Variants in CES5A observed in about 807,000 individuals in gnomAD.
CES5A encodes the protein carboxylesterase 5.
A neutral mutation model predicts 62.9 loss-of-function variants in CES5A; 67 were observed. The observed-to-expected ratio is 1.07, with a 90% CI of 0.88 to 1.31. The LOEUF is 1.31. Ranked by LOEUF, CES5A falls within the 50% of genes most tolerant of loss-of-function variation. The pLI, the probability that CES5A is intolerant of heterozygous loss-of-function variation, is 0.00. For synonymous variants in CES5A, 296 were observed against 280.8 expected, an observed-to-expected ratio of 1.05 and a Z score of -0.54; for missense variants, 748 against 708.5, an observed-to-expected ratio of 1.06 and a Z score of -0.63.
rs1395543425 is a variant in CES5A, at chr16:55,873,868, C to T, written c.243G>A (p.Trp81Ter). 1.2e-6 allele frequency: 2 copies of T among 1,613,562 alleles called. No individual in the cohort carries two copies. Among genetic ancestry groups the T allele is most frequent in the South Asian group, 1.1e-5 (1 of 90,810 alleles). Residue 81 changes from tryptophan to a stop codon, truncating the protein, a stop_gained, in exon 2 of 13, where the codon TGG becomes TGA. Coordinates refer to ENST00000290567, the MANE Select transcript of CES5A (RefSeq NM_001143685.2). LOFTEE classifies it high-confidence loss of function. The part of the protein sequence containing the change: ...RFTNPQPASP[W>*]DNLREATSYP... Reference sequence around the variant, plus strand: ...AGGAGGTGGCTTCTCGCAAGTTATCCCAGGGCGATGCAGGCTGCGGGTTCG... The same window carrying T: ...AGGAGGTGGCTTCTCGCAAGTTATCTCAGGGCGATGCAGGCTGCGGGTTCG...
intron 9 of CES5A, 54 bp from the exon 10 acceptor site, chr16:55,853,082 G>C (rs138304761): frequency 6.4e-7 from 1 of 1,569,726 alleles, no homozygotes; most frequent in African/African-American, 1.3e-5. Context: ...TGGCCAACAC[G>C]TTAAACACTC....
intron 2 of CES5A, among the ~76,000 whole-genome samples, chr16:55,938,883 G>T (rs1464434921): frequency 7.2e-6 from 1 of 139,392 alleles, no homozygotes; most frequent in African/African-American, 2.7e-5. Flanking sequence ...ATATTAAGTG[G>T]CAGAAACACC....
At chr16:55,955,424 G>A (rs1200129561) in intron 1 of CES5A, among the ~76,000 whole-genome samples, 1 of 152,094 alleles carries the variant, frequency 6.6e-6, no homozygotes, top group Non-Finnish European at 1.5e-5. Flanking sequence ...CTATATAATT[G>A]TTTTCACTCA....
At position 55,866,658 on chromosome 16, in the gene CES5A, T is replaced by TAAAAAA. The variant is rs369679801; in HGVS notation, c.552-548_552-543dup. Among the ~76,000 whole-genome samples the TAAAAAA allele has an allele frequency of 1.2e-3, 103 of 82,768 alleles. 1 individual carries two copies. The highest frequency in any genetic ancestry group is 1.8e-3 in the Non-Finnish European group (72 of 39,726). The allele number at this position is 82,768 out of a possible 152,430, so 54.3% of individuals were successfully genotyped here. A position where few individuals can be genotyped will look rare whatever the true frequency, so the allele number is the denominator to read the frequency against. On this transcript the variant is annotated intron_variant, in intron 4 of 12. Transcript: ENST00000290567. ...TAATATAGTGAAACTCTGTCTCTGCTAAAAAAAAAAAAAAAAAAAATACAA... is the reference window on the plus strand; with the variant it reads ...TAATATAGTGAAACTCTGTCTCTGCTAAAAAAAAAAAAAAAAAAAAAAAAAATACAA...
At chr16:55,875,766 C>G (rs1384100620), upstream of CES5A, among the ~76,000 whole-genome samples, 4 of 152,218 alleles carry the variant, frequency 2.6e-5, no homozygotes, top group African/African-American at 7.2e-5. Flanking sequence ...TCCTTGGCAA[C>G]CTTGAGGCTT....
rs1180345506 is a variant in CES5A at position 55,849,708 on chromosome 16, G to C, written c.1339C>G (p.Pro447Ala). ...HRPQCFEDTK[P>A]AFVKADHADE... ...GCGTGGTCGGCTTTGACAAAAGCTG[G>C]CTTCGTGTCTTCAAAGCACTGAGGC... The change falls in exon 11 of 13, where the codon CCA (proline) becomes GCA (alanine). Residue 447 changes from proline (P) to alanine (A), a missense_variant. Pro to Ala is a conservative substitution (Grantham distance 27). Transcript: ENST00000290567. The C allele has an allele frequency of 1.9e-6, 3 of 1,613,990 alleles. No homozygotes were observed.
chr16:55,929,552 A>G, upstream of CES5A, among the ~76,000 whole-genome samples: 1 of 152,186 alleles, frequency 6.6e-6, no homozygotes, highest in Non-Finnish European at 1.5e-5. Flanking sequence ...GAGTGCTTCA[A>G]AATTAGGGCC....
exon 1 of CES5A, chr16:55,955,969 A>G (rs2034606251): frequency 7.2e-7 from 1 of 1,393,282 alleles, no homozygotes; most frequent in South Asian, 1.2e-5. Context: ...CACATCATGT[A>G]CATGGTACAG....
intron 1 of CES5A, among the ~76,000 whole-genome samples, chr16:55,883,466 G>C (rs1281394587): frequency 6.6e-6 from 1 of 152,000 alleles, no homozygotes; most frequent in African/African-American, 2.4e-5. Context: ...ACAGAGACAA[G>C]GTTTCACCAT....
At position 55,865,964 on chromosome 16, in the gene CES5A, A is replaced by G. The variant is rs769449025; in HGVS notation, c.704T>C (p.Leu235Pro). 3.7e-6 allele frequency: 6 copies of G among 1,614,144 alleles called. No individual in the cohort carries two copies. Residue 235 changes from leucine (L) to proline (P), a missense_variant and splice_region_variant, in exon 5 of 13, where the codon CTT becomes CCT. Coordinates refer to ENST00000290567, the MANE Select transcript of CES5A (RefSeq NM_001143685.2). ...ESAGAISVSSLILSPMAKGLF... is the reference protein window; with the variant it reads ...ESAGAISVSSPILSPMAKGLF... ...CAAACCACAAAGCAGAGAACTCACAAGACTAGAAACACTTATGGCTCCCGC... is the reference window on the plus strand; with the variant it reads ...CAAACCACAAAGCAGAGAACTCACAGGACTAGAAACACTTATGGCTCCCGC...
intron 4 of CES5A, among the ~76,000 whole-genome samples, chr16:55,867,551 C>T (rs1418245552): frequency 6.6e-6 from 1 of 152,194 alleles, no homozygotes; most frequent in African/African-American, 2.4e-5. Flanking sequence ...GGCTCTCACT[C>T]CACCTTCTCT....
At chr16:55,857,380 C>A (rs574960366) in intron 8 of CES5A, among the ~76,000 whole-genome samples, 1 of 152,162 alleles carries the variant, frequency 6.6e-6, no homozygotes, top group African/African-American at 2.4e-5. Context: ...GGCAAAATTA[C>A]CGCTTTAAAA....
Position 55,888,480 on chromosome 16 carries a change from C to G in CES5A, c.-255-14443G>C, listed in dbSNP as rs543993893. ...TTAATTGTCCAGTAGGTCTCTGGAA[C>G]TAAGACCCAAGTTGACAATAGCAAA... is the stretch of plus-strand genomic sequence containing the variant. On this transcript the variant is annotated intron_variant, in intron 1 of 12. Transcript: ENST00000518005. Among the ~76,000 whole-genome samples the G allele has an allele frequency of 1.4e-4, 21 of 152,290 alleles. No homozygotes were observed. The South Asian group carries it at 3.3e-3, about 24-fold the overall frequency.
chr16:55,850,087 T>G (rs1175917184), intron 10 of CES5A, among the ~76,000 whole-genome samples: 3 of 152,240 alleles, frequency 2.0e-5, no homozygotes, highest in African/African-American at 4.8e-5. Flanking sequence ...GGAAAATACT[T>G]TCTTTTCATT....
At chr16:55,949,948 A>G (rs993040000) in intron 1 of CES5A, 6 of 831,842 alleles carry the variant, frequency 7.2e-6, no homozygotes, top group African/African-American at 1.7e-5. Flanking sequence ...GATGATAACA[A>G]TAATATAAAT....
intron 1 of CES5A, among the ~76,000 whole-genome samples, chr16:55,913,996 C>A (rs2034120563): frequency 6.6e-6 from 1 of 152,276 alleles, no homozygotes; most frequent in Admixed American, 6.5e-5. Flanking sequence ...CACATCCGGG[C>A]CTACTTACTA....
chr16:55,861,018 T>G (rs1455227722), intron 7 of CES5A, among the ~76,000 whole-genome samples: 5 of 152,206 alleles, frequency 3.3e-5, no homozygotes, highest in Admixed American at 6.5e-5. Context: ...CCAGTCCTTT[T>G]CCAGACAACT....
chr16:55,860,908 C>T (rs118125882), intron 7 of CES5A, among the ~76,000 whole-genome samples: 190 of 152,256 alleles, frequency 1.2e-3, no homozygotes, highest in South Asian at 4.4e-3. Flanking sequence ...AAAGATCACC[C>T]GGTCCAATTA....
chr16:55,944,970 C>T (rs1277843382), intron 2 of CES5A, among the ~76,000 whole-genome samples: 10 of 152,140 alleles, frequency 6.6e-5, no homozygotes, highest in Non-Finnish European at 8.8e-5. Context: ...AGTTCAAATC[C>T]GCCTCTGCTT....
Sources: gnomAD v4.1 joint callset for allele counts (sites outside exome capture counted in the v4.1 genomes callset) on GRCh38, gnomAD v4.1.1 for gene constraint, MANE v1.5 for transcripts, NCBI Gene and HGNC (gene_info 2026-07-23, HGNC 2026-07-21) for gene names.